Variants in MYOM1 observed in about 807,000 individuals in gnomAD.
MYOM1 encodes the protein myomesin-1.
In MYOM1, 164 loss-of-function variants were observed where a neutral mutation model predicts 205.3. The observed-to-expected ratio is 0.80, with a 90% CI of 0.70 to 0.91. The LOEUF is 0.91. Among genes scored for constraint, MYOM1 ranks in the 40% least tolerant of loss-of-function variants. MYOM1 has a pLI of 0.00. For missense variants in MYOM1, 2,011 were observed against 2,127.3 expected, an observed-to-expected ratio of 0.95 and a Z score of 1.08; for synonymous variants, 772 against 789.4, an observed-to-expected ratio of 0.98 and a Z score of 0.37.
intron 29 of MYOM1, among the ~76,000 whole-genome samples, chr18:3,086,773 T>C (rs904038834): frequency 3.3e-5 from 5 of 152,194 alleles, no homozygotes; most frequent in Admixed American, 1.3e-4. Context: ...TGCTTGAATT[T>C]TTTTTACAAA....
intron 31 of MYOM1, 35 bp downstream of exon 31, chr18:3,085,008 AAC>A: frequency 6.8e-7 from 1 of 1,481,382 alleles, no homozygotes; most frequent in Non-Finnish European, 9.3e-7. Flanking sequence ...TGTATGCAGA[AAC>A]ACACAAGACA....
chr18:3,197,713 A>G (rs1485489725), intron 2 of MYOM1, among the ~76,000 whole-genome samples: 1 of 151,690 alleles, frequency 6.6e-6, no homozygotes, highest in African/African-American at 2.4e-5. Context: ...CTTTACTAAA[A>G]ATACAAAAAA....
intron 9 of MYOM1, 44 bp downstream of exon 9, chr18:3,168,773 C>T (rs1210737012): frequency 3.7e-6 from 6 of 1,604,176 alleles, no homozygotes; most frequent in East Asian, 2.2e-5. Context: ...TGGTCTACAA[C>T]CTTCGAATAA....
At chr18:3,241,237 G>A in the MYOM1 span, among the ~76,000 whole-genome samples, 1 of 152,202 alleles carries the variant, frequency 6.6e-6, no homozygotes, top group Non-Finnish European at 1.5e-5. Context: ...GCATCTCAGA[G>A]GTCTTCATGG....
At chr18:3,077,211 G>A (rs893233943) in intron 34 of MYOM1, among the ~76,000 whole-genome samples, 1 of 151,652 alleles carries the variant, frequency 6.6e-6, no homozygotes, top group Non-Finnish European at 1.5e-5. Flanking sequence ...TAGAGACAGG[G>A]TCTTGCGATG....
At chr18:3,231,136 CA>C in the MYOM1 span, among the ~76,000 whole-genome samples, 1 of 152,202 alleles carries the variant, frequency 6.6e-6, no homozygotes, top group South Asian at 2.1e-4. Context: ...GGTGATGGGT[CA>C]TTTCTGATCT....
intron 2 of MYOM1, among the ~76,000 whole-genome samples, chr18:3,198,867 A>C (rs2081028550): frequency 6.6e-6 from 1 of 152,150 alleles, no homozygotes; most frequent in Admixed American, 6.5e-5. Flanking sequence ...TCACATCAGA[A>C]TCAGCTGAGG....
At chr18:3,247,100 G>A in the MYOM1 span, 1 of 152,194 alleles carries the variant, frequency 6.6e-6, no homozygotes, top group South Asian at 2.1e-4. Context: ...AGGGTCAAAG[G>A]GGCTCTGCCA....
At chr18:3,172,299 T>C (rs2080570225) in intron 8 of MYOM1, among the ~76,000 whole-genome samples, 2 of 152,122 alleles carry the variant, frequency 1.3e-5, no homozygotes, top group Admixed American at 1.3e-4. Flanking sequence ...TCGGGGGTCA[T>C]CAGAGAGGAG....
At chr18:3,120,158 T>C (rs1258071945) in intron 19 of MYOM1, among the ~76,000 whole-genome samples, 163 bp from the exon 20 acceptor site, 2 of 152,088 alleles carry the variant, frequency 1.3e-5, no homozygotes, top group African/African-American at 4.8e-5. Flanking sequence ...GATGAAACCG[T>C]GACCTCCTTG....
intron 22 of MYOM1, among the ~76,000 whole-genome samples, chr18:3,105,291 A>G (rs1375228491): frequency 6.6e-6 from 1 of 152,214 alleles, no homozygotes; most frequent in Non-Finnish European, 1.5e-5. Context: ...AACACTGTGT[A>G]TTAAATAAAG....
the MYOM1 span, among the ~76,000 whole-genome samples, chr18:3,225,593 G>C: frequency 6.6e-6 from 1 of 152,174 alleles, no homozygotes; most frequent in Non-Finnish European, 1.5e-5. Flanking sequence ...CAGAACAAAG[G>C]CTTGGCACCT....
At chr18:3,236,323 G>T in the MYOM1 span, 1 of 152,222 alleles carries the variant, frequency 6.6e-6, no homozygotes, top group Non-Finnish European at 1.5e-5. Flanking sequence ...AAAAGTCCAG[G>T]CTTGAGATGA....
chr18:3,234,264 A>G, the MYOM1 span, among the ~76,000 whole-genome samples: 1 of 152,252 alleles, frequency 6.6e-6, no homozygotes, highest in African/African-American at 2.4e-5. Flanking sequence ...TGTAAAAGTA[A>G]TATATGTTTA....
At chr18:3,237,357 GT>G in the MYOM1 span, among the ~76,000 whole-genome samples, 2 of 151,904 alleles carry the variant, frequency 1.3e-5, no homozygotes, top group African/African-American at 4.8e-5. Flanking sequence ...TCCCAGCACG[GT>G]GGGAGGCTGA....
chr18:3,170,212 A>G (rs1404385510), intron 8 of MYOM1, among the ~76,000 whole-genome samples: 1 of 152,222 alleles, frequency 6.6e-6, no homozygotes, highest in African/African-American at 2.4e-5. Flanking sequence ...GATGCAAGGA[A>G]TAAGATCTAG....
intron 4 of MYOM1, among the ~76,000 whole-genome samples, chr18:3,187,842 C>T (rs1464059793): frequency 2.7e-5 from 4 of 145,866 alleles, no homozygotes; most frequent in African/African-American, 1.0e-4. Flanking sequence ...TAAGCAACAT[C>T]TTTGATTTCT....
At chr18:3,110,263 G>A (rs754481049) in intron 22 of MYOM1, among the ~76,000 whole-genome samples, 1 of 152,092 alleles carries the variant, frequency 6.6e-6, no homozygotes, top group Non-Finnish European at 1.5e-5. Flanking sequence ...TTAAAAAACT[G>A]AAGCATGGGA....
At chr18:3,184,023 A>C (rs539368648) in intron 5 of MYOM1, among the ~76,000 whole-genome samples, 66 of 151,858 alleles carry the variant, frequency 4.3e-4, no homozygotes, top group African/African-American at 1.6e-3. Context: ...CTTGTGCCTC[A>C]GCCTCCCGAG....
Sources: allele counts gnomAD v4.1 joint callset (sites outside exome capture counted in the v4.1 genomes callset), GRCh38; gene constraint gnomAD v4.1.1; transcripts MANE v1.5; gene names NCBI Gene and HGNC (gene_info 2026-07-23, HGNC 2026-07-21).